IRAK1BP1: variants seen among roughly 807,000 people sequenced by gnomAD.
IRAK1BP1 encodes interleukin 1 receptor associated kinase 1 binding protein 1, also known as interleukin-1 receptor-associated kinase 1-binding protein 1.
IRAK1BP1 carries 24 observed loss-of-function variants against 28.0 expected under a neutral mutation model. The ratio of observed to expected loss-of-function variants is 0.86; its 90% CI spans 0.62 to 1.20. IRAK1BP1 has a LOEUF of 1.20. Among genes scored for constraint, IRAK1BP1 ranks in the 50% most tolerant of loss-of-function variants. The pLI, the probability that IRAK1BP1 is intolerant of heterozygous loss-of-function variation, is 0.00. For missense variants in IRAK1BP1, 336 were observed against 316.7 expected (o/e 1.06, Z -0.46); for synonymous variants, 131 against 116.3 (o/e 1.13, Z -0.81).
chr6:78,947,755 G>A (rs1195436459), downstream of IRAK1BP1: 5 of 1,608,430 alleles, frequency 3.1e-6, no homozygotes, highest in Non-Finnish European at 4.3e-6. Context: ...CCATTGGAGT[G>A]TCAATGATGT....
exon 5 of IRAK1BP1, chr6:78,945,851 ACTTT>A: frequency 1.5e-6 from 1 of 650,806 alleles, no homozygotes; most frequent in Non-Finnish European, 2.6e-6. Context: ...CTTATTAAAA[ACTTT>A]TTTTTAAAAT....
intron 1 of IRAK1BP1, among the ~76,000 whole-genome samples, chr6:78,879,782 C>T (rs1337843324): frequency 2.0e-5 from 3 of 152,198 alleles, no homozygotes; most frequent in Non-Finnish European, 2.9e-5. Flanking sequence ...CAACTGCTTC[C>T]CAGCAGCTAA....
Position 78,901,085 on chromosome 6 carries a change from A to T in IRAK1BP1, c.*2751A>T, listed in dbSNP as rs1475744859. On this transcript the variant is annotated 3_prime_UTR_variant, in exon 4 of 4. Transcript: ENST00000369940. Reference sequence around the variant, plus strand: ...TCGTTCTCAACAAAAATTTAATCACATGGGTAGTTTTTTTTTTTTTAGCTA... The same window carrying T: ...TCGTTCTCAACAAAAATTTAATCACTTGGGTAGTTTTTTTTTTTTTAGCTA... The T allele has an allele frequency of 6.6e-6, 1 of 151,224 alleles. No homozygotes were observed. The highest frequency in any genetic ancestry group is 1.5e-5 in the Non-Finnish European group (1 of 67,826). The allele number at this position is 151,224 out of a possible 1,614,324, so 9.4% of individuals were successfully genotyped here.
the IRAK1BP1 span, chr6:78,955,267 C>T: frequency 6.2e-7 from 1 of 1,610,116 alleles, no homozygotes; most frequent in Non-Finnish European, 8.5e-7. Context: ...GGCACATCAG[C>T]ATCTTTCTCT....
the IRAK1BP1 span, among the ~76,000 whole-genome samples, chr6:78,977,299 T>G: frequency 6.6e-6 from 1 of 151,308 alleles, no homozygotes; most frequent in Non-Finnish European, 1.5e-5. Flanking sequence ...CACCGCATAT[T>G]CTCACTCATA....
chr6:78,868,140 G>GT (rs922671758), intron 1 of IRAK1BP1, among the ~76,000 whole-genome samples: 1 of 152,202 alleles, frequency 6.6e-6, no homozygotes. Flanking sequence ...AATTGGGTAG[G>GT]TTTTTATCTG....
chr6:78,882,882 A>C (rs980122323), intron 1 of IRAK1BP1, among the ~76,000 whole-genome samples: 3 of 152,346 alleles, frequency 2.0e-5, no homozygotes, highest in African/African-American at 7.2e-5. Flanking sequence ...GAGAAGTCTG[A>C]AAGTGAGGTA....
At chr6:78,945,662 A>G (rs1348859119) in exon 5 of IRAK1BP1, 2 of 634,772 alleles carry the variant, frequency 3.2e-6, no homozygotes, top group East Asian at 2.8e-5. Context: ...GTATCCAACT[A>G]GAAACTCTTA....
At chr6:78,950,174 A>T (rs141789855), downstream of IRAK1BP1, among the ~76,000 whole-genome samples, 1 of 152,336 alleles carries the variant, frequency 6.6e-6, no homozygotes, top group East Asian at 1.9e-4. Context: ...TATTAATATG[A>T]TGGATTACAC....
intron 1 of IRAK1BP1, among the ~76,000 whole-genome samples, chr6:78,876,348 C>G (rs540569975): frequency 2.6e-5 from 4 of 152,092 alleles, no homozygotes; most frequent in Non-Finnish European, 5.9e-5. Flanking sequence ...TATAAATTAC[C>G]CAAACTCAGG....
intron 2 of IRAK1BP1, among the ~76,000 whole-genome samples, chr6:78,886,033 T>C (rs920832405): frequency 5.3e-5 from 8 of 152,178 alleles, no homozygotes; most frequent in African/African-American, 1.9e-4. Context: ...GGACTGCTGT[T>C]TCTGATTCCA....
chr6:78,890,544 G>T (rs548031647), intron 2 of IRAK1BP1, among the ~76,000 whole-genome samples: 40 of 152,176 alleles, frequency 2.6e-4, no homozygotes, highest in Admixed American at 1.8e-3. Flanking sequence ...GGTGCCCAGC[G>T]CAATGAACAA....
Position 78,898,072 on chromosome 6 carries a change from C to A in IRAK1BP1, c.521C>A (p.Ala174Asp). The part of the protein sequence containing the change: ...PGSVENLRRQ[A>D]CLVAVENAWR... ...TCCATTTAATTCCTAAGACGGCAAG[C>A]CTGTCTTGTTGCTGTTGAGAATGCG... Residue 174 changes from alanine to aspartate, a missense_variant, in exon 4 of 4, where the codon GCC (alanine) becomes GAC (aspartate). Coordinates refer to ENST00000369940, the MANE Select transcript of IRAK1BP1 (RefSeq NM_001010844.4). The A allele has an allele frequency of 6.2e-7, 1 of 1,609,358 alleles. No homozygotes were observed. Among genetic ancestry groups the A allele is most frequent in the South Asian group, 1.1e-5 (1 of 90,438 alleles).
At chr6:78,886,377 A>T (rs1771433583) in intron 2 of IRAK1BP1, among the ~76,000 whole-genome samples, 1 of 152,096 alleles carries the variant, frequency 6.6e-6, no homozygotes, top group Admixed American at 6.5e-5. Flanking sequence ...TCATTTTGTG[A>T]TTTCTCCACT....
the IRAK1BP1 span, chr6:78,954,769 T>A: frequency 3.2e-6 from 4 of 1,245,464 alleles, no homozygotes; most frequent in Non-Finnish European, 4.5e-6. Flanking sequence ...GTAAAAGGTA[T>A]GTAGCAAACT....
intron 4 of IRAK1BP1, among the ~76,000 whole-genome samples, chr6:78,927,289 T>G (rs1772915609): frequency 6.6e-6 from 1 of 152,230 alleles, no homozygotes; most frequent in South Asian, 2.1e-4. Context: ...TGCATTTCTC[T>G]GTTGACCAGT....
At chr6:78,958,733 C>A in the IRAK1BP1 span, 1 of 641,530 alleles carries the variant, frequency 1.6e-6, no homozygotes. Flanking sequence ...CTTATAAAGT[C>A]ATTTTCAAAG....
chr6:78,943,708 T>C (rs967754197), intron 4 of IRAK1BP1, among the ~76,000 whole-genome samples: 1 of 152,112 alleles, frequency 6.6e-6, no homozygotes, highest in Non-Finnish European at 1.5e-5. Context: ...AGTGCTTGGC[T>C]GGGCGTGGTG....
chr6:78,971,832 A>G, the IRAK1BP1 span, among the ~76,000 whole-genome samples: 1 of 152,086 alleles, frequency 6.6e-6, no homozygotes, highest in Non-Finnish European at 1.5e-5. Flanking sequence ...GGCTTAAAAA[A>G]CGGCGCACCA....
Sources: allele counts gnomAD v4.1 joint callset (sites outside exome capture counted in the v4.1 genomes callset), GRCh38; gene constraint gnomAD v4.1.1; transcripts MANE v1.5; gene names NCBI Gene and HGNC (gene_info 2026-07-23, HGNC 2026-07-21).